KLHDC8A: variants seen among roughly 807,000 people sequenced by gnomAD.
KLHDC8A encodes kelch domain-containing protein 8A.
A neutral mutation model predicts 33.1 loss-of-function variants in KLHDC8A; 21 were observed. That is an observed-to-expected ratio of 0.64 (90% CI 0.45 to 0.91). KLHDC8A has a LOEUF of 0.91. Among genes scored for constraint, KLHDC8A ranks in the 40% least tolerant of loss-of-function variants. The probability of loss-of-function intolerance (pLI) is 0.00; values close to 1 mark genes in which losing one functional copy is unlikely to be tolerated. For synonymous variants in KLHDC8A, 173 were observed against 193.5 expected (o/e 0.89, Z 0.88); for missense variants, 435 against 483.3 (o/e 0.90, Z 0.94).
rs761141827 is a variant in KLHDC8A, at chr1:205,340,340, C to T, written c.377-532G>A. Among the ~76,000 whole-genome samples, 11 of 152,150 alleles carry T rather than the reference C, an allele frequency of 7.2e-5. No homozygotes were observed. In the South Asian group the frequency reaches 1.2e-3, roughly 17 times the overall value. ...GCCTGGGTCTTTTGAAGCCATGGTA[C>T]GACTACACGCCCTAGTCTTCCTTAG... On this transcript the variant is annotated intron_variant, in intron 2 of 5. Transcript: ENST00000367155.
Position 205,356,877 on chromosome 1 carries a change from C to T in KLHDC8A, c.-534G>A, listed in dbSNP as rs1301814063. 3 of 228,992 alleles carry T rather than the reference C, an allele frequency of 1.3e-5. No individual in the cohort carries two copies. The highest frequency in any genetic ancestry group is 2.7e-4 in the East Asian group (2 of 7,440). 14.2% of individuals were successfully genotyped at this position (228,992 alleles called of 1,614,324 possible). On this transcript the variant is annotated 5_prime_UTR_variant, in exon 1 of 6. Transcript: ENST00000367155. ...CAGCTCGTCAGAGCCCCAGTGTCTC[C>T]GCGCCTCTCCCTCCACCCAGTCTCA...
chr1:205,338,382 G>C, intron 5 of KLHDC8A, 113 bp downstream of exon 5: 1 of 786,474 alleles, frequency 1.3e-6, no homozygotes, highest in Non-Finnish European at 2.2e-6. Flanking sequence ...GGAGTATAGT[G>C]GTAGGCAGGT....
At chr1:205,349,831 G>A (rs139539112) in intron 1 of KLHDC8A, among the ~76,000 whole-genome samples, 40 of 152,268 alleles carry the variant, frequency 2.6e-4, no homozygotes, top group Non-Finnish European at 4.3e-4. Context: ...CCTCTGCTAC[G>A]TCTTGTTACG....
chr1:205,342,326 C>A (rs1186868323), intron 2 of KLHDC8A, among the ~76,000 whole-genome samples: 1 of 152,228 alleles, frequency 6.6e-6, no homozygotes, highest in African/African-American at 2.4e-5. Context: ...CCAGGCCTTC[C>A]ATCCTTCTTA....
Position 205,339,971 on chromosome 1 carries a change from G to A in KLHDC8A, c.377-163C>T, listed in dbSNP as rs1404892034. 2 of 475,558 alleles carry A rather than the reference G, an allele frequency of 4.2e-6. No homozygotes were observed. The highest frequency in any genetic ancestry group is 7.4e-6 in the Non-Finnish European group (2 of 272,098). 29.5% of individuals were successfully genotyped at this position (475,558 alleles called of 1,614,324 possible). The stretch of plus-strand genomic sequence containing the variant: ...GTGGTTGATAGCACCATTCAAAGAA[G>A]TTCCTGCTATAGCTAAGCCTGAGAG... On this transcript the variant is annotated intron_variant, in intron 2 of 5. Transcript: ENST00000367155. This position sits in a 1 kb window ranked among gnomAD's most constrained non-coding sequence, Gnocchi z 5.1.
intron 1 of KLHDC8A, among the ~76,000 whole-genome samples, chr1:205,346,955 A>C (rs1662965159): frequency 6.6e-6 from 1 of 152,140 alleles, no homozygotes. Context: ...TTCTAAACTA[A>C]GGCTCATATC....
At chr1:205,341,690 A>G (rs1270907074) in intron 2 of KLHDC8A, among the ~76,000 whole-genome samples, 9 of 151,176 alleles carry the variant, frequency 6.0e-5, no homozygotes, top group Non-Finnish European at 1.2e-4. Flanking sequence ...TTGCTCTGTC[A>G]CCCAGGCTGG....
chr1:205,342,633 C>T (rs1662821442), intron 2 of KLHDC8A, among the ~76,000 whole-genome samples: 1 of 152,186 alleles, frequency 6.6e-6, no homozygotes. Context: ...CTGTGCTGCT[C>T]AGGTGTGTCT....
chr1:205,343,957 C>G (rs1558686786), intron 1 of KLHDC8A, among the ~76,000 whole-genome samples, 164 bp from the exon 2 acceptor site: 1 of 152,182 alleles, frequency 6.6e-6, no homozygotes, highest in East Asian at 1.9e-4. Flanking sequence ...TCCCCGCCCC[C>G]TCCCCACCCG....
intron 1 of KLHDC8A, among the ~76,000 whole-genome samples, chr1:205,348,185 T>C (rs1343559367): frequency 6.6e-6 from 1 of 152,114 alleles, no homozygotes; most frequent in Non-Finnish European, 1.5e-5. Context: ...TTGGGGGTGT[T>C]GTGGGGAACA....
Position 205,338,741 on chromosome 1 carries a change from C to T in KLHDC8A, c.758-145G>A. The T allele has an allele frequency of 4.7e-6, 3 of 639,550 alleles. No homozygotes were observed. In the South Asian group the frequency reaches 5.8e-5, roughly 12 times the overall value. The allele number at this position is 639,550 out of a possible 1,614,324, so 39.6% of individuals were successfully genotyped here. On this transcript the variant is annotated intron_variant, in intron 4 of 5. Coordinates refer to ENST00000367155, the MANE Select transcript of KLHDC8A (RefSeq NM_018203.3). ...CTTTATGCTTGGGGAGTACACAGTT[C>T]CTCCTGCTGTTTCAAATTCTCTGTG...
At position 205,343,677 on chromosome 1, in the gene KLHDC8A, T is replaced by C; in HGVS notation, c.-73A>G. 2.1e-6 allele frequency: 3 copies of C among 1,455,658 alleles called. No homozygotes were observed. The highest frequency in any genetic ancestry group is 2.7e-6 in the Non-Finnish European group (3 of 1,096,326). 90.2% of individuals were successfully genotyped at this position (1,455,658 alleles called of 1,614,324 possible). The stretch of plus-strand genomic sequence containing the variant: ...GGTCCACCGGCTACTTGGCGCCGGC[T>C]CCCACGGCCCCTATCGCCACCTCCA... On this transcript the variant is annotated 5_prime_UTR_variant, in exon 2 of 6. Transcript: ENST00000367155.
intron 1 of KLHDC8A, chr1:205,344,121 CCGCATCACTTACG>C (rs1553384128): frequency 6.6e-6 from 1 of 152,510 alleles, no homozygotes; most frequent in Non-Finnish European, 1.5e-5. Context: ...GCCCCCGCCC[CCGCATCACTTACG>C]CTGCCAGGCC....
chr1:205,342,100 A>G (rs1662808789), intron 2 of KLHDC8A, among the ~76,000 whole-genome samples: 1 of 152,216 alleles, frequency 6.6e-6, no homozygotes, highest in Non-Finnish European at 1.5e-5. Flanking sequence ...GCACAGACTC[A>G]ATCATCACTA....
chr1:205,343,172 C>T, intron 2 of KLHDC8A, 57 bp downstream of exon 2: 1 of 1,527,700 alleles, frequency 6.5e-7, no homozygotes, highest in Non-Finnish European at 8.8e-7. Context: ...CCATCTGTTT[C>T]CCTCCTGGCC....
At chr1:205,348,432 G>A (rs968091877) in intron 1 of KLHDC8A, 1 of 152,172 alleles carries the variant, frequency 6.6e-6, no homozygotes, top group East Asian at 1.9e-4. Context: ...GGAACTCCCC[G>A]AGGCCAGGAT....
chr1:205,348,158 G>T (rs61824160), intron 1 of KLHDC8A, among the ~76,000 whole-genome samples: 23,662 of 152,050 alleles, frequency 0.16, 2,039 homozygotes, highest in Non-Finnish European at 0.2. Flanking sequence ...ACTAAACTGC[G>T]GTACCTTAGG....
Position 205,343,624 on chromosome 1 carries a change from C to CG in KLHDC8A, c.-21dup. 6.5e-7 allele frequency: 1 copy of CG among 1,546,216 alleles called. No homozygotes were observed. Among genetic ancestry groups the CG allele is most frequent in the Non-Finnish European group, 8.7e-7 (1 of 1,144,408 alleles). ...CTCCATGGCAGCCTTGGGGAGCGCCCGGGCGCCGGGAGAGGTGCGAGCGCG... is the reference window on the plus strand; with the variant it reads ...CTCCATGGCAGCCTTGGGGAGCGCCCGGGGCGCCGGGAGAGGTGCGAGCGCG... On this transcript the variant is annotated 5_prime_UTR_variant, in exon 2 of 6. Transcript: ENST00000367155.
intron 1 of KLHDC8A, among the ~76,000 whole-genome samples, chr1:205,347,279 A>G (rs1662972402): frequency 6.6e-6 from 1 of 152,212 alleles, no homozygotes; most frequent in East Asian, 1.9e-4. Flanking sequence ...GAGAGTGTCC[A>G]GTGACTCCTT....
Sources: gnomAD v4.1 joint callset for allele counts (sites outside exome capture counted in the v4.1 genomes callset) on GRCh38, gnomAD v4.1.1 for gene constraint, Gnocchi (gnomAD v3.1) non-coding constraint, MANE v1.5 for transcripts, NCBI Gene and HGNC (gene_info 2026-07-23, HGNC 2026-07-21) for gene names.